DIP2C: variants seen among roughly 807,000 people sequenced by gnomAD.
DIP2C encodes the protein DIP2 acetate--CoA ligase C (putative), also known as disco-interacting protein 2 homolog C.
A neutral mutation model predicts 192.4 loss-of-function variants in DIP2C; 33 were observed. That is an observed-to-expected ratio of 0.17 (90% CI 0.13 to 0.23). The LOEUF is 0.23. DIP2C is among the 10% of genes least tolerant of loss of function. DIP2C has a pLI of 1.00. For synonymous variants in DIP2C, 979 were observed against 864.1 expected, an observed-to-expected ratio of 1.13 and a Z score of -2.33; for missense variants, 1,537 against 2,110.1, an observed-to-expected ratio of 0.73 and a Z score of 5.32.
At chr10:596,501 A>AG (rs1318309191) in intron 1 of DIP2C, among the ~76,000 whole-genome samples, 2 of 76,856 alleles carry the variant, frequency 2.6e-5, no homozygotes, top group Non-Finnish European at 5.8e-5. Context: ...CATCTCAAAA[A>AG]AAAAAAAAAA....
chr10:516,261 T>C (rs376446750), intron 1 of DIP2C, among the ~76,000 whole-genome samples: 3 of 109,206 alleles, frequency 2.7e-5, no homozygotes, highest in African/African-American at 7.6e-5. Context: ...AACCTGTTGT[T>C]GACCTGCTTT....
intron 22 of DIP2C, among the ~76,000 whole-genome samples, chr10:361,687 T>C (rs1959533990): frequency 6.6e-6 from 1 of 152,150 alleles, no homozygotes; most frequent in Non-Finnish European, 1.5e-5. Flanking sequence ...GACACCATTA[T>C]AAATCTTCAT....
chr10:518,773 A>C (rs1276318134), intron 1 of DIP2C, among the ~76,000 whole-genome samples: 1 of 152,216 alleles, frequency 6.6e-6, no homozygotes, highest in Non-Finnish European at 1.5e-5. Context: ...CGTCCTACAG[A>C]GATGGCTACT....
intron 1 of DIP2C, among the ~76,000 whole-genome samples, chr10:670,885 A>G (rs1340782933): frequency 2.0e-5 from 3 of 152,224 alleles, no homozygotes; most frequent in Non-Finnish European, 4.4e-5. Flanking sequence ...GTGGAAAAGT[A>G]TATCATTCAG....
intron 1 of DIP2C, among the ~76,000 whole-genome samples, chr10:547,670 G>A (rs1848355369): frequency 6.6e-6 from 1 of 152,186 alleles, no homozygotes; most frequent in Admixed American, 6.5e-5. Flanking sequence ...ATAGGCAGAG[G>A]CATGACTTTT....
intron 1 of DIP2C, among the ~76,000 whole-genome samples, chr10:625,949 A>G (rs1413657691): frequency 1.3e-5 from 2 of 152,254 alleles, no homozygotes; most frequent in Non-Finnish European, 2.9e-5. Context: ...TTGTGTCAAA[A>G]GAGCGTTTTG....
At chr10:562,237 G>A (rs1564202211) in intron 1 of DIP2C, among the ~76,000 whole-genome samples, 2 of 152,182 alleles carry the variant, frequency 1.3e-5, no homozygotes, top group Non-Finnish European at 2.9e-5. Context: ...CACGTCAAAG[G>A]ATTTTCCCTG....
chr10:644,522 C>G (rs11812713), intron 1 of DIP2C, among the ~76,000 whole-genome samples: 5,141 of 152,374 alleles, frequency 0.034, 168 homozygotes, highest in African/African-American at 0.083. Flanking sequence ...CACGGCCCGC[C>G]GTAGAGCCAC....
rs185909110 is a variant in DIP2C at position 618,348 on chromosome 10, T to C, written c.85+71146A>G. 6.1e-3 allele frequency among the ~76,000 whole-genome samples: 922 copies of C among 152,356 alleles called. 32 individuals are homozygous for C. The highest frequency in any genetic ancestry group is 0.054 in the Admixed American group (826 of 15,306). On this transcript the variant is annotated intron_variant, in intron 1 of 36. Transcript: ENST00000280886. ...GGCCTGGAGAGGCAGACATATCTGC[T>C]GAAACACAACCAAGCTCCTTCCCAC...
chr10:311,123 C>T (rs528080454), intron 31 of DIP2C, among the ~76,000 whole-genome samples: 80 of 152,234 alleles, frequency 5.3e-4, no homozygotes, highest in Non-Finnish European at 1.0e-3. Flanking sequence ...ACAGCACATG[C>T]GAGTCAGCCT....
At chr10:669,877 C>CA (rs1397962802) in intron 1 of DIP2C, among the ~76,000 whole-genome samples, 1 of 152,198 alleles carries the variant, frequency 6.6e-6, no homozygotes, top group Non-Finnish European at 1.5e-5. Flanking sequence ...AATGTAAACA[C>CA]ACAGTACAGA....
chr10:578,436 T>G (rs1850321495), intron 1 of DIP2C, among the ~76,000 whole-genome samples: 1 of 152,216 alleles, frequency 6.6e-6, no homozygotes, highest in Non-Finnish European at 1.5e-5. Context: ...TCTACCTCAC[T>G]GAAATCACCA....
chr10:649,519 G>T (rs1855723489), intron 1 of DIP2C, among the ~76,000 whole-genome samples: 1 of 152,314 alleles, frequency 6.6e-6, no homozygotes, highest in South Asian at 2.1e-4. Context: ...AAAACTAAGT[G>T]ACTGTAAAAT....
chr10:536,589 G>C (rs947084471), intron 1 of DIP2C, among the ~76,000 whole-genome samples: 6 of 152,206 alleles, frequency 3.9e-5, no homozygotes, highest in African/African-American at 1.4e-4. Context: ...ACATAAGTTT[G>C]GGAGGACACA....
chr10:550,231 A>AACTCCTG (rs1353401031), intron 1 of DIP2C, among the ~76,000 whole-genome samples: 1 of 152,012 alleles, frequency 6.6e-6, no homozygotes, highest in Non-Finnish European at 1.5e-5. Flanking sequence ...GCTGGTCTCG[A>AACTCCTG]ACTCCTGACC....
chr10:519,048 T>C (rs1317496645), intron 1 of DIP2C, among the ~76,000 whole-genome samples: 1 of 152,218 alleles, frequency 6.6e-6, no homozygotes, highest in Non-Finnish European at 1.5e-5. Flanking sequence ...CCCCTTCTGC[T>C]TTGCAGATTG....
rs369932650 is a variant in DIP2C, at chr10:401,073, G to A, written c.1150-1854C>T. ...TTCCTTATGGACAAGTTTGGTATGT[G>A]TTCATCAGCACATGAATCCTGTGAT... is the stretch of plus-strand genomic sequence containing the variant. On this transcript the variant is annotated intron_variant, in intron 9 of 36. Transcript: ENST00000280886. Among the ~76,000 whole-genome samples the A allele has an allele frequency of 4.1e-4, 38 of 93,426 alleles. No individual in the cohort carries two copies. In the East Asian group the frequency reaches 4.5e-3, roughly 11 times the overall value. 61.3% of individuals were successfully genotyped at this position (93,426 alleles called of 152,430 possible).
chr10:443,984 C>A (rs557163925), intron 3 of DIP2C, among the ~76,000 whole-genome samples: 22 of 152,338 alleles, frequency 1.4e-4, no homozygotes, highest in Admixed American at 4.6e-4. Flanking sequence ...TTACCCTGAT[C>A]AAATCTTTTG....
chr10:565,821 C>T (rs1012356675), intron 1 of DIP2C, among the ~76,000 whole-genome samples: 3 of 152,224 alleles, frequency 2.0e-5, no homozygotes, highest in South Asian at 2.1e-4. Flanking sequence ...CGCCCTTCTC[C>T]GAGGTATGTA....
Sources: gnomAD v4.1 joint callset for allele counts (sites outside exome capture counted in the v4.1 genomes callset) on GRCh38, gnomAD v4.1.1 for gene constraint, MANE v1.5 for transcripts, NCBI Gene and HGNC (gene_info 2026-07-23, HGNC 2026-07-21) for gene names.